Variants in PLA2G12A observed in about 807,000 individuals in gnomAD.
The protein encoded by PLA2G12A is group XIIA secretory phospholipase A2.
PLA2G12A carries 11 observed loss-of-function variants against 16.0 expected under a neutral mutation model. The ratio of observed to expected loss-of-function variants is 0.69; its 90% CI spans 0.43 to 1.13. PLA2G12A has a LOEUF of 1.13. Among genes scored for constraint, PLA2G12A ranks in the 50% most tolerant of loss-of-function variants. PLA2G12A has a pLI of 0.00. For missense variants in PLA2G12A, 214 were observed against 237.3 expected (o/e 0.90, Z 0.65); for synonymous variants, 77 against 93.8 (o/e 0.82, Z 1.03).
At chr4:109,715,876 GTTACAC>G (rs1405143752) in intron 3 of PLA2G12A, among the ~76,000 whole-genome samples, 1 of 152,198 alleles carries the variant, frequency 6.6e-6, no homozygotes, top group Non-Finnish European at 1.5e-5. Flanking sequence ...ATCTTAACAT[GTTACAC>G]TTACAGAGAT....
At chr4:109,726,340 T>C (rs559277415) in intron 1 of PLA2G12A, among the ~76,000 whole-genome samples, 1 of 152,372 alleles carries the variant, frequency 6.6e-6, no homozygotes, top group South Asian at 2.1e-4. Context: ...TTAATGGTAA[T>C]TCTGTCCTTC....
In PLA2G12A at chr4:109,729,989, G is replaced by A. The variant is rs1006350094; in HGVS notation, c.-180C>T. 1 of 565,494 alleles carries A rather than the reference G, an allele frequency of 1.8e-6. No individual in the cohort carries two copies. Among genetic ancestry groups the A allele is most frequent in the East Asian group, 3.4e-5 (1 of 29,430 alleles). 35.0% of individuals were successfully genotyped at this position (565,494 alleles called of 1,614,324 possible). A position where few individuals can be genotyped will look rare whatever the true frequency, so the allele number is the denominator to read the frequency against. ...GCTGTCTTTACGTGAACCGCCTCGGGCAGGCAGCGCCGTCGCGGGGACGCG... is the reference window on the plus strand; with the variant it reads ...GCTGTCTTTACGTGAACCGCCTCGGACAGGCAGCGCCGTCGCGGGGACGCG... On this transcript the variant is annotated 5_prime_UTR_variant, in exon 1 of 4. Coordinates refer to ENST00000243501, the MANE Select transcript of PLA2G12A (RefSeq NM_030821.5).
rs958551086 is a variant in PLA2G12A, at chr4:109,711,096, T to G, written c.*3281A>C. ...TTTTTTGCTCTTTTAATGAGTTTAT[T>G]CTGTCAATAGGGAAAATATCAACTT... On this transcript the variant is annotated 3_prime_UTR_variant, in exon 4 of 4. Coordinates refer to ENST00000243501, the MANE Select transcript of PLA2G12A (RefSeq NM_030821.5). 15 of 150,846 alleles carry G rather than the reference T, an allele frequency of 9.9e-5. No homozygotes were observed. Among genetic ancestry groups the G allele is most frequent in the Non-Finnish European group, 1.9e-4 (13 of 67,812 alleles). The allele number at this position is 150,846 out of a possible 1,614,324, so 9.3% of individuals were successfully genotyped here.
chr4:109,721,494 G>T (rs901047517), intron 1 of PLA2G12A, among the ~76,000 whole-genome samples: 1 of 151,996 alleles, frequency 6.6e-6, no homozygotes, highest in Non-Finnish European at 1.5e-5. Context: ...GCTAATTTTT[G>T]TATTTTTAGT....
chr4:109,717,710 T>G lies in PLA2G12A; in HGVS notation c.289A>C (p.Asn97His), dbSNP rs948998149. Residue 97 changes from asparagine (N) to histidine (H), a missense_variant, in exon 3 of 4, where the codon AAC becomes CAC. Asn to His is a moderately conservative substitution (Grantham distance 68, BLOSUM62 1). Transcript: ENST00000243501. ...CGSPLFGVHL[N>H]IGIPSLTKCC... is the part of the protein sequence containing the mutation. ...TTTGTCAGGGAAGGGATACCAATGTTAAGCTGCAAAAGGCATTTGGATGGA... is the reference window on the plus strand; with the variant it reads ...TTTGTCAGGGAAGGGATACCAATGTGAAGCTGCAAAAGGCATTTGGATGGA... 1 of 1,613,746 alleles carries G rather than the reference T, an allele frequency of 6.2e-7. No homozygotes were observed. The highest frequency in any genetic ancestry group is 1.1e-5 in the South Asian group (1 of 91,030).
Position 109,730,061 on chromosome 4 carries a change from T to G in PLA2G12A, c.-252A>C. ...GCCCGCTCACCTGGGCCAGCAACCG[T>G]CCCCTGTGCGCCTGCGCCGGAGCAC... On this transcript the variant is annotated 5_prime_UTR_variant, in exon 1 of 4. Coordinates refer to ENST00000243501, the MANE Select transcript of PLA2G12A (RefSeq NM_030821.5). 3 of 353,528 alleles carry G rather than the reference T, an allele frequency of 8.5e-6. No homozygotes were observed. The highest frequency in any genetic ancestry group is 1.5e-5 in the Non-Finnish European group (3 of 199,360). 21.9% of individuals were successfully genotyped at this position (353,528 alleles called of 1,614,324 possible).
At chr4:109,721,808 TGTCAGACATTTTTG>T (rs1323629979) in intron 1 of PLA2G12A, among the ~76,000 whole-genome samples, 1 of 152,146 alleles carries the variant, frequency 6.6e-6, no homozygotes, top group Non-Finnish European at 1.5e-5. Context: ...AGAGCAAAAA[TGTCAGACATTTTTG>T]CTTATGTTCT....
chr4:109,727,936 T>G (rs1722973204), intron 1 of PLA2G12A, among the ~76,000 whole-genome samples: 1 of 152,254 alleles, frequency 6.6e-6, no homozygotes, highest in Non-Finnish European at 1.5e-5. Flanking sequence ...AGACGACTCC[T>G]TCCAAGTCTT....
chr4:109,717,692 G>A lies in PLA2G12A; in HGVS notation c.307C>T (p.Leu103=). The part of the protein sequence containing the change: ...GVHLNIGIPS[L]TKCCNQHDRC... The stretch of plus-strand genomic sequence containing the variant: ...TCGTGTTGGTTGCAACACTTTGTCA[G>A]GGAAGGGATACCAATGTTAAGCTGC... Residue 103 remains leucine (L), a synonymous_variant, in exon 3 of 4, where the codon CTG becomes TTG. Transcript: ENST00000243501. The A allele has an allele frequency of 6.2e-7, 1 of 1,613,944 alleles. No individual in the cohort carries two copies. Among genetic ancestry groups the A allele is most frequent in the Non-Finnish European group, 8.5e-7 (1 of 1,179,860 alleles).
At chr4:109,715,454 T>TTTTA (rs150366202) in intron 3 of PLA2G12A, among the ~76,000 whole-genome samples, 7,821 of 150,718 alleles carry the variant, frequency 0.052, 580 homozygotes, top group African/African-American at 0.16. Flanking sequence ...GGTAGGTTTA[T>TTTTA]TTTATTTATT....
In PLA2G12A at chr4:109,717,730, G is replaced by A; in HGVS notation, c.286-17C>T. On this transcript the variant is annotated splice_polypyrimidine_tract_variant and intron_variant, in intron 2 of 3. Coordinates refer to ENST00000243501, the MANE Select transcript of PLA2G12A (RefSeq NM_030821.5). ...AATGTTAAGCTGCAAAAGGCATTTG[G>A]ATGGATTACTGTCAATGAAATGCAA... is the stretch of plus-strand genomic sequence containing the variant. The A allele has an allele frequency of 6.2e-7, 1 of 1,611,556 alleles. No individual in the cohort carries two copies.
rs1427123917 is a variant in PLA2G12A, at chr4:109,711,017, A to G, written c.*3360T>C. 9.2e-6 allele frequency: 1 copy of G among 109,030 alleles called. No homozygotes were observed. Among genetic ancestry groups the G allele is most frequent in the Non-Finnish European group, 1.9e-5 (1 of 53,668 alleles). 6.8% of individuals were successfully genotyped at this position (109,030 alleles called of 1,614,324 possible). On this transcript the variant is annotated 3_prime_UTR_variant, in exon 4 of 4. Coordinates refer to ENST00000243501, the MANE Select transcript of PLA2G12A (RefSeq NM_030821.5). ...TATTATTTTAAAGTATCAATATTAC[A>G]TTTCTTGCAAAGAGCTGCTGACAGT...
chr4:109,729,986 C>A lies in PLA2G12A; in HGVS notation c.-177G>T, dbSNP rs1047774621. ...CTCGCTGTCTTTACGTGAACCGCCTCGGGCAGGCAGCGCCGTCGCGGGGAC... is the reference window on the plus strand; with the variant it reads ...CTCGCTGTCTTTACGTGAACCGCCTAGGGCAGGCAGCGCCGTCGCGGGGAC... On this transcript the variant is annotated 5_prime_UTR_variant, in exon 1 of 4. Transcript: ENST00000243501. 1.7e-6 allele frequency: 1 copy of A among 573,928 alleles called. No homozygotes were observed. The highest frequency in any genetic ancestry group is 2.9e-6 in the Non-Finnish European group (1 of 344,324). The allele number at this position is 573,928 out of a possible 1,614,324, so 35.6% of individuals were successfully genotyped here. A position where few individuals can be genotyped will look rare whatever the true frequency, so the allele number is the denominator to read the frequency against.
chr4:109,721,245 G>A (rs1730935959), intron 1 of PLA2G12A, among the ~76,000 whole-genome samples: 1 of 151,998 alleles, frequency 6.6e-6, no homozygotes, highest in South Asian at 2.1e-4. Flanking sequence ...GAAGATGAGG[G>A]TAGATGACTC....
At position 109,729,740 on chromosome 4, in the gene PLA2G12A, C is replaced by G. The variant is rs200526551; in HGVS notation, c.70G>C (p.Glu24Gln). 3.1e-6 allele frequency: 5 copies of G among 1,594,930 alleles called. No homozygotes were observed. The South Asian group carries it at 3.4e-5, about 11-fold the overall frequency. Residue 24 changes from glutamate (E) to glutamine (Q), a missense_variant, in exon 1 of 4, where the codon GAG becomes CAG. By Grantham distance (29) the Glu-to-Gln change is conservative. Transcript: ENST00000243501. ...CTCCAGTCGGTGGTCTGGGCCTGCT[C>G]CTGGCACCTGACAACAGCGGCCATG... ...LLMAAVVRCQ[E>Q]QAQTTDWRAT...
intron 1 of PLA2G12A, 43 bp from the exon 2 acceptor site, chr4:109,718,802 A>T (rs1462935424): frequency 7.4e-7 from 1 of 1,355,854 alleles, no homozygotes; most frequent in African/African-American, 1.5e-5. Context: ...CAAATATGAT[A>T]AAAGTAAAAT....
intron 1 of PLA2G12A, among the ~76,000 whole-genome samples, chr4:109,719,199 T>TGA (rs771975943): frequency 6.6e-6 from 1 of 152,206 alleles, no homozygotes; most frequent in African/African-American, 2.4e-5. Context: ...AAATGCTTCA[T>TGA]TGCATACAAA....
chr4:109,714,033 G>T lies in PLA2G12A; in HGVS notation c.*344C>A. 1.0e-5 allele frequency: 2 copies of T among 192,224 alleles called. No homozygotes were observed. Among genetic ancestry groups the T allele is most frequent in the Non-Finnish European group, 1.1e-5 (1 of 93,098 alleles). The allele number at this position is 192,224 out of a possible 1,614,324, so 11.9% of individuals were successfully genotyped here. A position where few individuals can be genotyped will look rare whatever the true frequency, so the allele number is the denominator to read the frequency against. The stretch of plus-strand genomic sequence containing the variant: ...AGACATTATGATGAATTTTATATTT[G>T]ATCTCTTTTTTTGGTAAATGTGGTT... On this transcript the variant is annotated 3_prime_UTR_variant, in exon 4 of 4. Coordinates refer to ENST00000243501, the MANE Select transcript of PLA2G12A (RefSeq NM_030821.5).
At position 109,728,704 on chromosome 4, in the gene PLA2G12A, C is replaced by G. The variant is rs144715826; in HGVS notation, c.208+898G>C. ...TTCCTTTTAAGTTCACCTATACAAT[C>G]AGGTTCCAACAATGAAGTCACTGGA... On this transcript the variant is annotated intron_variant, in intron 1 of 3. Transcript: ENST00000243501. 4.1e-4 allele frequency among the ~76,000 whole-genome samples: 62 copies of G among 152,338 alleles called. 1 individual carries two copies. The East Asian group carries it at 8.7e-3, about 21-fold the overall frequency.
Sources: gnomAD v4.1 joint callset for allele counts (sites outside exome capture counted in the v4.1 genomes callset) on GRCh38, gnomAD v4.1.1 for gene constraint, MANE v1.5 for transcripts, NCBI Gene and HGNC (gene_info 2026-07-23, HGNC 2026-07-21) for gene names.